LILRB4: variants seen among roughly 807,000 people sequenced by gnomAD.
The protein encoded by LILRB4 is leukocyte immunoglobulin-like receptor subfamily B member 4.
A neutral mutation model predicts 55.2 loss-of-function variants in LILRB4; 49 were observed. The observed-to-expected ratio is 0.89, with a 90% CI of 0.71 to 1.13. The LOEUF is 1.13. LILRB4 is among the 50% of genes most tolerant of loss of function. The probability of loss-of-function intolerance (pLI) is 0.00; values close to 1 mark genes in which losing one functional copy is unlikely to be tolerated. For synonymous variants in LILRB4, 229 were observed against 213.8 expected (o/e 1.07, Z -0.62); for missense variants, 590 against 555.2 (o/e 1.06, Z -0.63).
At position 54,666,438 on chromosome 19, in the gene LILRB4, T is replaced by G; in HGVS notation, c.988+2T>G. ...CTGACGTCCAGGGAGAAAACTTCTGTGAGTGAGAGGCAGAGAAGGTGCACC... is the reference window on the plus strand; with the variant it reads ...CTGACGTCCAGGGAGAAAACTTCTGGGAGTGAGAGGCAGAGAAGGTGCACC... On this transcript the variant is annotated splice_donor_variant, in intron 9 of 11. Coordinates refer to ENST00000430952, the Ensembl canonical transcript of LILRB4. LOFTEE classifies it high-confidence loss of function. This position sits in a 1 kb window ranked among gnomAD's most constrained non-coding sequence, Gnocchi z 4.8. The G allele has an allele frequency of 6.8e-6, 11 of 1,614,088 alleles. No individual in the cohort carries two copies. The highest frequency in any genetic ancestry group is 9.3e-6 in the Non-Finnish European group (11 of 1,179,960).
chr19:54,665,176 C>T lies in LILRB4; in HGVS notation c.753C>T (p.His251=), dbSNP rs1178275804. The T allele has an allele frequency of 1.1e-5, 17 of 1,600,430 alleles. No individual in the cohort carries two copies. Among genetic ancestry groups the T allele is most frequent in the Non-Finnish European group, 1.4e-5 (17 of 1,172,694 alleles). ...TCATGCCTACAGGGTCAGTCCCCCA[C>T]AGTGGTGAGTGAGGGGCTCTGAGTG... Residue 251 remains histidine, a synonymous_variant, in exon 6 of 12, where the codon CAC becomes CAT. Transcript: ENST00000430952. The surrounding 1 kb of genome is among the most constrained non-coding windows in gnomAD (Gnocchi z 5.5).
chr19:54,665,030 G>A lies in LILRB4; in HGVS notation c.707-100G>A. Reference sequence around the variant, plus strand: ...CAAGGCCCTGAGGCTGGGCTGGTGAGGGGTGAGGGGGTCAAGGCTGAAGGA... The same window carrying A: ...CAAGGCCCTGAGGCTGGGCTGGTGAAGGGTGAGGGGGTCAAGGCTGAAGGA... On this transcript the variant is annotated intron_variant, in intron 5 of 11. Coordinates refer to ENST00000430952, the Ensembl canonical transcript of LILRB4. This position sits in a 1 kb window ranked among gnomAD's most constrained non-coding sequence, Gnocchi z 5.5. The A allele has an allele frequency of 6.7e-7, 1 of 1,486,762 alleles. No individual in the cohort carries two copies. The highest frequency in any genetic ancestry group is 9.3e-7 in the Non-Finnish European group (1 of 1,072,666). 92.1% of individuals were successfully genotyped at this position (1,486,762 alleles called of 1,614,324 possible).
In LILRB4 at chr19:54,665,041, G is replaced by T. The variant is rs535694979; in HGVS notation, c.707-89G>T. 2.1e-5 allele frequency: 33 copies of T among 1,536,588 alleles called. No homozygotes were observed. Among genetic ancestry groups the T allele is most frequent in the Non-Finnish European group, 2.7e-5 (30 of 1,115,420 alleles). Reference sequence around the variant, plus strand: ...GGCTGGGCTGGTGAGGGGTGAGGGGGTCAAGGCTGAAGGAGATGTTGCGGG... The same window carrying T: ...GGCTGGGCTGGTGAGGGGTGAGGGGTTCAAGGCTGAAGGAGATGTTGCGGG... On this transcript the variant is annotated intron_variant, in intron 5 of 11. Transcript: ENST00000430952. This position sits in a 1 kb window ranked among gnomAD's most constrained non-coding sequence, Gnocchi z 5.5.
In LILRB4 at chr19:54,664,962, G is replaced by A. The variant is rs1160070461; in HGVS notation, c.706+113G>A. 5.8e-6 allele frequency: 8 copies of A among 1,370,106 alleles called. No individual in the cohort carries two copies. The Admixed American group carries it at 1.3e-4, about 23-fold the overall frequency. 84.9% of individuals were successfully genotyped at this position (1,370,106 alleles called of 1,614,324 possible). On this transcript the variant is annotated intron_variant, in intron 5 of 11. Transcript: ENST00000430952. ...ATTCTCAGCTGGGCTTGCTTCCACG[G>A]GTGTGGGAGTCGGGCAGCGACTTGG... is the stretch of plus-strand genomic sequence containing the variant.
At position 54,665,063 on chromosome 19, in the gene LILRB4, C is replaced by T. The variant is rs147592162; in HGVS notation, c.707-67C>T. On this transcript the variant is annotated intron_variant, in intron 5 of 11. Coordinates refer to ENST00000430952, the Ensembl canonical transcript of LILRB4. The surrounding 1 kb of genome is among the most constrained non-coding windows in gnomAD (Gnocchi z 5.5). ...GGGGTCAAGGCTGAAGGAGATGTTG[C>T]GGGGAGAAGCCGAGCTGATGTGGGG... 5.5e-5 allele frequency: 87 copies of T among 1,578,816 alleles called. 2 individuals are homozygous for T. In the Middle Eastern group the frequency reaches 8.5e-4, roughly 16 times the overall value.
chr19:54,663,421 G>A, intron 1 of LILRB4, 111 bp from the exon 2 acceptor site: 1 of 1,362,944 alleles, frequency 7.3e-7, no homozygotes, highest in South Asian at 1.4e-5. Flanking sequence ...ACTCCAGCCT[G>A]GGTGACAGCG....
rs754234978 is a variant in LILRB4, at chr19:54,666,746, TCGGGTG to T, written c.1039_1041+3del. 1.1e-5 allele frequency: 18 copies of T among 1,613,906 alleles called. No homozygotes were observed. Among genetic ancestry groups the T allele is most frequent in the Non-Finnish European group, 1.5e-5 (18 of 1,179,974 alleles). ...CTGAGGACGGGGTGGAAATGGACACTCGGGTGAGAACCCGCCCCTGTCCCCGGCACC... is the reference window on the plus strand; with the variant it reads ...CTGAGGACGGGGTGGAAATGGACACTAGAACCCGCCCCTGTCCCCGGCACC... On this transcript the variant is annotated splice_donor_variant and splice_donor_region_variant and coding_sequence_variant and intron_variant, in exon 10 of 12. Coordinates refer to ENST00000430952, the Ensembl canonical transcript of LILRB4. LOFTEE classifies it high-confidence loss of function. This position sits in a 1 kb window ranked among gnomAD's most constrained non-coding sequence, Gnocchi z 4.8.
At chr19:54,663,994 T>A (rs772645518) in exon 3 of LILRB4, 1 of 1,613,946 alleles carries the variant, frequency 6.2e-7, no homozygotes. Context: ...CGCAGCCCTG[T>A]AGGCTGGTCA....
chr19:54,668,012 T>C, exon 12 of LILRB4: 1 of 1,614,026 alleles, frequency 6.2e-7, no homozygotes, highest in South Asian at 1.1e-5. Flanking sequence ...ACTCTGGCCA[T>C]CCACTAATCC....
In LILRB4 at chr19:54,666,573, T is replaced by G. The variant is rs1354622868; in HGVS notation, c.989-124T>G. On this transcript the variant is annotated intron_variant, in intron 9 of 11. Transcript: ENST00000430952. This position sits in a 1 kb window ranked among gnomAD's most constrained non-coding sequence, Gnocchi z 4.8. ...TGGTCTGAACCCACATTGTGGGACC[T>G]CGGGGACATCACAGCCCCTCCCTGC... is the stretch of plus-strand genomic sequence containing the variant. 1 of 1,423,806 alleles carries G rather than the reference T, an allele frequency of 7.0e-7. No individual in the cohort carries two copies. The highest frequency in any genetic ancestry group is 9.8e-7 in the Non-Finnish European group (1 of 1,021,342). 88.2% of individuals were successfully genotyped at this position (1,423,806 alleles called of 1,614,324 possible).
In LILRB4 at chr19:54,665,666, G is replaced by A; in HGVS notation, c.758-149G>A. The A allele has an allele frequency of 1.0e-6, 1 of 993,094 alleles. No homozygotes were observed. The highest frequency in any genetic ancestry group is 1.6e-6 in the Non-Finnish European group (1 of 641,432). The allele number at this position is 993,094 out of a possible 1,614,324, so 61.5% of individuals were successfully genotyped here. On this transcript the variant is annotated intron_variant, in intron 6 of 11. Transcript: ENST00000430952. This position sits in a 1 kb window ranked among gnomAD's most constrained non-coding sequence, Gnocchi z 5.5. Reference sequence around the variant, plus strand: ...CCTCAGTTTGTGCATCTGTGAAATGGGTGGAGAGAGGGTGGCAATCTCAGG... The same window carrying A: ...CCTCAGTTTGTGCATCTGTGAAATGAGTGGAGAGAGGGTGGCAATCTCAGG...
At chr19:54,664,220 G>T in exon 4 of LILRB4, 1 of 1,613,972 alleles carries the variant, frequency 6.2e-7, no homozygotes, top group Non-Finnish European at 8.5e-7. Context: ...CAGCCCTGCC[G>T]AGTCCTCTTG....
Position 54,665,219 on chromosome 19 carries a change from A to T in LILRB4, c.757+39A>T, listed in dbSNP as rs1488707679. 6.4e-7 allele frequency: 1 copy of T among 1,553,182 alleles called. No homozygotes were observed. The highest frequency in any genetic ancestry group is 8.7e-7 in the Non-Finnish European group (1 of 1,144,918). On this transcript the variant is annotated intron_variant, in intron 6 of 11. Transcript: ENST00000430952. The surrounding 1 kb of genome is among the most constrained non-coding windows in gnomAD (Gnocchi z 5.5). ...TCTGAGTGGGAGGTGGGCAGGGTCTAGGGGAGCCAAGGGTGGGTTCTGTCC... is the reference window on the plus strand; with the variant it reads ...TCTGAGTGGGAGGTGGGCAGGGTCTTGGGGAGCCAAGGGTGGGTTCTGTCC...
chr19:54,664,922 TA>T, intron 5 of LILRB4, 73 bp downstream of exon 5: 2 of 1,465,690 alleles, frequency 1.4e-6, no homozygotes, highest in Non-Finnish European at 1.9e-6. Flanking sequence ...TCAGTGGATC[TA>T]AGTCCTCGTT....
At chr19:54,663,030 C>G in exon 1 of LILRB4, 3 of 1,613,940 alleles carry the variant, frequency 1.9e-6, no homozygotes, top group Non-Finnish European at 2.5e-6. Flanking sequence ...TGGGAGGAGA[C>G]GCCATGATCC....
rs148591308 is a variant in LILRB4 at position 54,664,405 on chromosome 19, C to T, written c.575C>T (p.Thr192Ile). 5.1e-4 allele frequency: 829 copies of T among 1,612,678 alleles called. 1 individual carries two copies. Among genetic ancestry groups the T allele is most frequent in the Non-Finnish European group, 6.6e-4 (776 of 1,179,612 alleles). Residue 192 changes from threonine (T) to isoleucine (I), a missense_variant, in exon 4 of 12, where the codon ACC (threonine) becomes ATC (isoleucine). Coordinates refer to ENST00000430952, the Ensembl canonical transcript of LILRB4. ...CCTGTGACCTCAGTGCACGGGGGGA[C>T]CTACAGGTGCTTCAGCTCACACGGC...
In LILRB4 at chr19:54,663,403, A is replaced by G. The variant is rs566493304; in HGVS notation, c.35-129A>G. On this transcript the variant is annotated intron_variant, in intron 1 of 11. Coordinates refer to ENST00000430952, the Ensembl canonical transcript of LILRB4. ...GGAGCTTGCAGTGAGCCAAGATCGC[A>G]CCACCGCACTCCAGCCTGGGTGACA... 8.3e-4 allele frequency: 1,102 copies of G among 1,333,388 alleles called. 2 individuals are homozygous for G. Among genetic ancestry groups the G allele is most frequent in the South Asian group, 1.3e-3 (88 of 67,204 alleles). The allele number at this position is 1,333,388 out of a possible 1,614,324, so 82.6% of individuals were successfully genotyped here. A position where few individuals can be genotyped will look rare whatever the true frequency, so the allele number is the denominator to read the frequency against.
In LILRB4 at chr19:54,663,032, C is replaced by T. The variant is rs149460582; in HGVS notation, c.-2C>T. 39 of 1,613,864 alleles carry T rather than the reference C, an allele frequency of 2.4e-5. No individual in the cohort carries two copies. In the South Asian group the frequency reaches 3.4e-4, roughly 14 times the overall value. ...CAGCTGGGGCCCCTGGGAGGAGACG[C>T]CATGATCCCCACCTTCACGGCTCTG... is the stretch of plus-strand genomic sequence containing the variant. On this transcript the variant is annotated 5_prime_UTR_variant, in exon 1 of 12. Transcript: ENST00000430952.
exon 1 of LILRB4, chr19:54,663,059 T>C (rs1413006872): frequency 1.2e-6 from 2 of 1,613,378 alleles, no homozygotes; most frequent in African/African-American, 2.7e-5. Flanking sequence ...ACGGCTCTGC[T>C]CTGCCTCGGT....
Sources: gnomAD v4.1 joint callset for allele counts on GRCh38, gnomAD v4.1.1 for gene constraint, Gnocchi (gnomAD v3.1) non-coding constraint, MANE v1.5 for transcripts, NCBI Gene and HGNC (gene_info 2026-07-23, HGNC 2026-07-21) for gene names.